ARMCX4: variants seen among roughly 807,000 people sequenced by gnomAD.
ARMCX4 encodes armadillo repeat containing X-linked 4.
In ARMCX4, 3 loss-of-function variants were observed where a neutral mutation model predicts 34.7. The observed-to-expected ratio is 0.09, with a 90% CI of 0.04 to 0.22. The LOEUF (loss-of-function observed/expected upper bound fraction) is 0.22, where lower values mean the gene tolerates loss of function less well. Among genes scored for constraint, ARMCX4 ranks in the 10% least tolerant of loss-of-function variants. The probability of loss-of-function intolerance (pLI) is 1.00; values close to 1 mark genes in which losing one functional copy is unlikely to be tolerated. For missense variants in ARMCX4, 1,448 were observed against 1,720.8 expected (o/e 0.84, Z 2.81); for synonymous variants, 513 against 632.8 (o/e 0.81, Z 2.84).
At chrX:101,521,580 GCTTGA>G (rs373789664) in intron 11 of ARMCX4, among the ~76,000 whole-genome samples, 3 of 109,011 alleles carry the variant, frequency 2.8e-5, no homozygotes, top group African/African-American at 1.0e-4. Flanking sequence ...ACTTCTTTCT[GCTTGA>G]CTTAAGTTTA....
intron 8 of ARMCX4, among the ~76,000 whole-genome samples, chrX:101,508,923 A>G (rs1322620144): frequency 9.0e-6 from 1 of 110,901 alleles, no homozygotes; most frequent in Non-Finnish European, 1.9e-5. Flanking sequence ...TTCTTATTTT[A>G]GTTATATTGA....
chrX:101,462,924 T>A (rs1440886656), intron 4 of ARMCX4, among the ~76,000 whole-genome samples: 1 of 111,542 alleles, frequency 9.0e-6, no homozygotes, highest in African/African-American at 3.3e-5. Context: ...CCACAGAAAG[T>A]CCTATATTCA....
At chrX:101,482,766 T>C (rs1933508541), upstream of ARMCX4, among the ~76,000 whole-genome samples, 2 of 110,954 alleles carry the variant, frequency 1.8e-5, 1 homozygote, top group Admixed American at 1.9e-4. Flanking sequence ...ACAGCAAATA[T>C]TAAAACACCC....
chrX:101,433,261 CATAT>C (rs1555993100), intron 2 of ARMCX4, among the ~76,000 whole-genome samples: 2 of 96,844 alleles, frequency 2.1e-5, no homozygotes, highest in East Asian at 6.5e-4. Flanking sequence ...CACATATATA[CATAT>C]ATGTACACAT....
At chrX:101,421,991 G>A in intron 2 of ARMCX4, among the ~76,000 whole-genome samples, 1 of 96,390 alleles carries the variant, frequency 1.0e-5, no homozygotes, top group African/African-American at 4.1e-5. Flanking sequence ...TGGGGGATCA[G>A]TTATTATTAT....
chrX:101,445,692 C>T (rs1056881413), intron 3 of ARMCX4, among the ~76,000 whole-genome samples: 16 of 111,829 alleles, frequency 1.4e-4, no homozygotes, highest in African/African-American at 4.2e-4. Flanking sequence ...TATGAAGTCT[C>T]GTTAGCAGCA....
Position 101,495,372 on chromosome X carries a change from A to T in ARMCX4, c.6783A>T (p.Lys2261Asn). 2 of 1,153,015 alleles carry T rather than the reference A, an allele frequency of 1.7e-6. No individual in the cohort carries two copies. Among genetic ancestry groups the T allele is most frequent in the South Asian group, 3.9e-5 (2 of 51,890 alleles). Residue 2261 changes from lysine to asparagine, a missense_variant, in exon 6 of 6, where the codon AAA (lysine) becomes AAT (asparagine). Lys to Asn is a moderately conservative substitution (Grantham distance 94, BLOSUM62 0). Around this residue, in one of 2 missense-constraint regions of ARMCX4, gnomAD observed 105 missense variants for 180.2 expected, o/e 0.58. Coordinates refer to ENST00000423738, the MANE Select transcript of ARMCX4 (RefSeq NM_001256155.3). ...TTTATTTCCTATTCCAACGACCTAA[A>T]GCATGTGCCAAGAAACTTCGAGCCT... The part of the protein sequence containing the change: ...NSLYFLFQRP[K>N]ACAKKLRALA...
At chrX:101,506,915 T>A (rs969907682) in intron 8 of ARMCX4, among the ~76,000 whole-genome samples, 3 of 112,187 alleles carry the variant, frequency 2.7e-5, no homozygotes, top group Non-Finnish European at 5.6e-5. Flanking sequence ...TTAAAATTAC[T>A]TTTAATTCCA....
At position 101,468,804 on chromosome X, in the gene ARMCX4, G is replaced by A. The variant is rs782502834; in HGVS notation, c.-472-17219G>A. On this transcript the variant is annotated intron_variant and NMD_transcript_variant, in intron 4 of 15. Coordinates refer to the ARMCX4 transcript ENST00000433011. ...AATTTTTTGTATTTTTAGTAGAGAC[G>A]GGGTTTCACTGTGTTAGCCAAGATG... 8.1e-5 allele frequency among the ~76,000 whole-genome samples: 9 copies of A among 110,575 alleles called. No individual in the cohort carries two copies. In the East Asian group the frequency reaches 2.0e-3, roughly 24 times the overall value.
At chrX:101,432,959 C>CATGTGTGT (rs1930263827) in intron 2 of ARMCX4, among the ~76,000 whole-genome samples, 14 of 54,982 alleles carry the variant, frequency 2.5e-4, no homozygotes, top group South Asian at 7.0e-4. Context: ...CACATGTATA[C>CATGTGTGT]ATATGTGTAT....
chrX:101,426,121 C>T (rs1293205903), intron 2 of ARMCX4, among the ~76,000 whole-genome samples: 2 of 111,337 alleles, frequency 1.8e-5, no homozygotes, highest in African/African-American at 6.5e-5. Flanking sequence ...CTGCACCCAG[C>T]CAAGGACTTT....
At chrX:101,474,935 A>G (rs1288433796) in intron 4 of ARMCX4, among the ~76,000 whole-genome samples, 1 of 103,223 alleles carries the variant, frequency 9.7e-6, no homozygotes, top group Non-Finnish European at 2.0e-5. Context: ...CTCCTATTCA[A>G]CATAGTGTTG....
chrX:101,452,077 A>G (rs1183978547), downstream of ARMCX4, among the ~76,000 whole-genome samples: 4 of 112,356 alleles, frequency 3.6e-5, no homozygotes, highest in Non-Finnish European at 7.5e-5. Flanking sequence ...CTTTTAGGAA[A>G]GGTATATTTA....
upstream of ARMCX4, among the ~76,000 whole-genome samples, chrX:101,484,952 G>T (rs1295981439): frequency 1.8e-5 from 2 of 111,455 alleles, no homozygotes; most frequent in Admixed American, 9.5e-5. Flanking sequence ...GAAAATTAAA[G>T]CTCTACTTGC....
chrX:101,515,348 T>TTTCTTTCTTTCTTTCTTTCTTTCTTTCC (rs1934687552), intron 11 of ARMCX4, among the ~76,000 whole-genome samples: 2 of 30,655 alleles, frequency 6.5e-5, no homozygotes, highest in Non-Finnish European at 1.2e-4. Context: ...TTTCCTTTTC[T>TTTCTTTCTTTCTTTCTTTCTTTCTTTCC]TTCTTTCTTT....
chrX:101,503,960 TG>T (rs1299138002), intron 7 of ARMCX4, among the ~76,000 whole-genome samples: 3 of 111,574 alleles, frequency 2.7e-5, no homozygotes, highest in Non-Finnish European at 3.8e-5. Context: ...AATTAATTTT[TG>T]TATAAGGTGT....
At chrX:101,497,232 CTCTT>C (rs1163855358), downstream of ARMCX4, among the ~76,000 whole-genome samples, 5 of 110,757 alleles carry the variant, frequency 4.5e-5, no homozygotes, top group East Asian at 1.4e-3. Context: ...GTTGTTTTTT[CTCTT>C]TCTTTTTTTT....
At chrX:101,452,122 A>T (rs986099044), downstream of ARMCX4, among the ~76,000 whole-genome samples, 2 of 112,218 alleles carry the variant, frequency 1.8e-5, no homozygotes, top group East Asian at 5.6e-4. Context: ...GTCATGGGGT[A>T]CCTATTTGGG....
downstream of ARMCX4, among the ~76,000 whole-genome samples, chrX:101,448,253 C>A (rs1458626159): frequency 2.7e-5 from 3 of 112,114 alleles, no homozygotes; most frequent in African/African-American, 9.7e-5. Flanking sequence ...TTGATGGACA[C>A]TTAGGTTGCT....
Sources: allele counts gnomAD v4.1 joint callset (sites outside exome capture counted in the v4.1 genomes callset), GRCh38; gene constraint gnomAD v4.1.1; regional missense constraint gnomAD v4.1.1; transcripts MANE v1.5; gene names NCBI Gene and HGNC (gene_info 2026-07-23, HGNC 2026-07-21).